SEC14L5: variants seen among roughly 807,000 people sequenced by gnomAD.
The protein encoded by SEC14L5 is SEC14 like lipid binding 5.
In SEC14L5, 96 loss-of-function variants were observed where a neutral mutation model predicts 84.6. The observed-to-expected ratio is 1.13, with a 90% confidence interval of 0.96 to 1.34. The LOEUF is 1.34. Among genes scored for constraint, SEC14L5 ranks in the 40% most tolerant of loss-of-function variants. SEC14L5 has a pLI of 0.00. For missense variants in SEC14L5, 1,224 were observed against 942.5 expected, an observed-to-expected ratio of 1.30 and a Z score of -3.91; for synonymous variants, 546 against 383.4, an observed-to-expected ratio of 1.42 and a Z score of -4.95.
At chr16:4,991,106 A>G (rs988494181) in intron 5 of SEC14L5, among the ~76,000 whole-genome samples, 4 of 150,010 alleles carry the variant, frequency 2.7e-5, no homozygotes, top group African/African-American at 9.8e-5. Context: ...CTCTGGCACC[A>G]TGAGATGTCC....
At chr16:4,976,527 C>G (rs1293900085) in intron 2 of SEC14L5, among the ~76,000 whole-genome samples, 3 of 152,164 alleles carry the variant, frequency 2.0e-5, no homozygotes, top group Non-Finnish European at 2.9e-5. Flanking sequence ...GATTATTGCA[C>G]TTTACAAATG....
chr16:5,006,037 GGA>G lies in SEC14L5; in HGVS notation c.1432_1433del (p.Ser478CysfsTer3). The G allele has an allele frequency of 6.2e-7, 1 of 1,613,738 alleles. No individual in the cohort carries two copies. On this transcript the variant is annotated frameshift_variant, in exon 12 of 16. Coordinates refer to ENST00000251170, the MANE Select transcript of SEC14L5 (RefSeq NM_014692.2). LOFTEE classifies it high-confidence loss of function. ...DREVIPDFLGGESVCNVPEGG... is the reference protein window; with the variant it reads ...DREVIPDFLGXESVCNVPEGG... The stretch of plus-strand genomic sequence containing the variant: ...AGAAGTGATCCCTGACTTCCTTGGG[GGA>G]GAGAGTGTGGTGAGGCTTCCATGTC...
In SEC14L5 at chr16:4,990,877, C is replaced by T. The variant is rs758912094; in HGVS notation, c.456C>T (p.Tyr152=). 2.5e-6 allele frequency: 4 copies of T among 1,604,368 alleles called. No individual in the cohort carries two copies. Among genetic ancestry groups the T allele is most frequent in the East Asian group, 4.5e-5 (2 of 44,420 alleles). Residue 152 remains tyrosine (Y), a synonymous_variant, in exon 5 of 16, where the codon TAC becomes TAT. Coordinates refer to ENST00000251170, the MANE Select transcript of SEC14L5 (RefSeq NM_014692.2). Reference sequence around the variant, plus strand: ...TGGAGAAGATCGCCATGAAGCAGTACACCGCCAACGTCAAGAGGGTAAGCG... The same window carrying T: ...TGGAGAAGATCGCCATGAAGCAGTATACCGCCAACGTCAAGAGGGTAAGCG... ...NALEKIAMKQ[Y]TANVKRGKEV... is the part of the protein sequence containing the mutation.
intron 2 of SEC14L5, among the ~76,000 whole-genome samples, chr16:4,977,251 A>T (rs978196933): frequency 7.2e-5 from 11 of 152,072 alleles, no homozygotes; most frequent in East Asian, 1.9e-4. Flanking sequence ...GTTCGAGACC[A>T]GCCTGGCCAA....
At chr16:4,990,014 T>C (rs775569884) in intron 4 of SEC14L5, among the ~76,000 whole-genome samples, 2 of 151,988 alleles carry the variant, frequency 1.3e-5, no homozygotes, top group Non-Finnish European at 2.9e-5. Context: ...TAAATGTTTA[T>C]TGATATATAA....
chr16:4,988,949 A>G (rs937159270), intron 4 of SEC14L5, among the ~76,000 whole-genome samples: 1 of 152,244 alleles, frequency 6.6e-6, no homozygotes, highest in Non-Finnish European at 1.5e-5. Flanking sequence ...GGCTGGATCC[A>G]GCAGGGAGAT....
At chr16:5,011,904 G>A (rs1955809745) in intron 15 of SEC14L5, among the ~76,000 whole-genome samples, 2 of 152,214 alleles carry the variant, frequency 1.3e-5, no homozygotes, top group Non-Finnish European at 2.9e-5. Flanking sequence ...TGGAGGCGGA[G>A]CAGGCAGTTT....
chr16:4,969,921 G>A (rs1220271260), intron 2 of SEC14L5, among the ~76,000 whole-genome samples: 2 of 151,552 alleles, frequency 1.3e-5, no homozygotes, highest in African/African-American at 2.4e-5. Flanking sequence ...AGGCTCAAGC[G>A]ATTGTCCCAC....
chr16:4,970,382 C>A (rs905536461), intron 2 of SEC14L5, among the ~76,000 whole-genome samples: 2 of 152,046 alleles, frequency 1.3e-5, no homozygotes, highest in African/African-American at 2.4e-5. Flanking sequence ...ACTTGTCTCT[C>A]AAAGAAGTGA....
rs1180580211 is a variant in SEC14L5, at chr16:4,959,273, G to A, written c.-51G>A. ...CCTCACCAGTCACTCCTCGCCCCAGGCTCTGTGCACACCCCTGCCTGGTGA... is the reference window on the plus strand; with the variant it reads ...CCTCACCAGTCACTCCTCGCCCCAGACTCTGTGCACACCCCTGCCTGGTGA... On this transcript the variant is annotated splice_region_variant and 5_prime_UTR_variant, in exon 2 of 16. Transcript: ENST00000251170. The A allele has an allele frequency of 1.1e-5, 16 of 1,458,012 alleles. No individual in the cohort carries two copies. The highest frequency in any genetic ancestry group is 1.4e-5 in the Non-Finnish European group (15 of 1,037,802). The allele number at this position is 1,458,012 out of a possible 1,614,324, so 90.3% of individuals were successfully genotyped here. A position where few individuals can be genotyped will look rare whatever the true frequency, so the allele number is the denominator to read the frequency against.
chr16:4,980,155 G>A (rs1955403426), intron 2 of SEC14L5, among the ~76,000 whole-genome samples: 1 of 152,206 alleles, frequency 6.6e-6, no homozygotes, highest in Non-Finnish European at 1.5e-5. Context: ...CATCTCACCA[G>A]GGCATTGTAA....
chr16:4,983,255 C>G (rs1955445118), intron 2 of SEC14L5, among the ~76,000 whole-genome samples: 1 of 151,964 alleles, frequency 6.6e-6, no homozygotes, highest in Non-Finnish European at 1.5e-5. Flanking sequence ...CTTAAATGAT[C>G]TGCCTGCCTT....
At chr16:5,013,622 G>A (rs1955833516) in intron 15 of SEC14L5, among the ~76,000 whole-genome samples, 1 of 135,932 alleles carries the variant, frequency 7.4e-6, no homozygotes, top group Non-Finnish European at 1.5e-5. Flanking sequence ...ACAGTGGCAC[G>A]ATATCTACTC....
intron 10 of SEC14L5, among the ~76,000 whole-genome samples, 153 bp from the exon 11 acceptor site, chr16:5,003,246 ATCC>A (rs1955695588): frequency 6.6e-6 from 1 of 152,160 alleles, no homozygotes; most frequent in Admixed American, 6.5e-5. Context: ...CCACAGTCTG[ATCC>A]TCTTCATCGC....
At chr16:4,984,645 C>T (rs1955465380) in intron 2 of SEC14L5, among the ~76,000 whole-genome samples, 2 of 152,194 alleles carry the variant, frequency 1.3e-5, no homozygotes, top group Admixed American at 6.6e-5. Flanking sequence ...ATATTACATA[C>T]ACGTGGGAGG....
In SEC14L5 at chr16:5,015,725, A is replaced by G. The variant is rs973615335; in HGVS notation, c.*755A>G. On this transcript the variant is annotated 3_prime_UTR_variant, in exon 16 of 16. Transcript: ENST00000251170. ...GGTGTTTACCTTGGCATCTGATTGC[A>G]TAACGTTCTGTTATGCAGTATCAAG... 6.6e-6 allele frequency: 1 copy of G among 152,402 alleles called. No homozygotes were observed. The allele number at this position is 152,402 out of a possible 1,614,324, so 9.4% of individuals were successfully genotyped here. A position where few individuals can be genotyped will look rare whatever the true frequency, so the allele number is the denominator to read the frequency against.
rs1262545640 is a variant in SEC14L5 at position 4,987,530 on chromosome 16, G to A, written c.64-27G>A. On this transcript the variant is annotated intron_variant, in intron 2 of 15. Transcript: ENST00000251170. Reference sequence around the variant, plus strand: ...GGGGTCCCTCTGCCCCCCCCACCACGGCCGCTCACTGCCGCTCTGCCCCCA... The same window carrying A: ...GGGGTCCCTCTGCCCCCCCCACCACAGCCGCTCACTGCCGCTCTGCCCCCA... 6.3e-6 allele frequency: 9 copies of A among 1,437,510 alleles called. No homozygotes were observed. The South Asian group carries it at 8.9e-5, about 14-fold the overall frequency. 89.0% of individuals were successfully genotyped at this position (1,437,510 alleles called of 1,614,324 possible).
At chr16:4,961,972 G>GC (rs1481412216) in intron 2 of SEC14L5, among the ~76,000 whole-genome samples, 1 of 151,874 alleles carries the variant, frequency 6.6e-6, no homozygotes, top group East Asian at 1.9e-4. Flanking sequence ...TGGGCCCTGT[G>GC]CGAGGCAAAC....
At chr16:4,979,560 A>G (rs949912746) in intron 2 of SEC14L5, among the ~76,000 whole-genome samples, 4 of 152,146 alleles carry the variant, frequency 2.6e-5, no homozygotes, top group Non-Finnish European at 5.9e-5. Context: ...TTTGGTACTC[A>G]TCGGCACCTT....
Sources: gnomAD v4.1 joint callset for allele counts (sites outside exome capture counted in the v4.1 genomes callset) on GRCh38, gnomAD v4.1.1 for gene constraint, MANE v1.5 for transcripts, NCBI Gene and HGNC (gene_info 2026-07-23, HGNC 2026-07-21) for gene names.